The following ARSG variants were observed in gnomAD, a reference collection of about 807,000 sequenced individuals.
ARSG encodes the protein ASG.
Under a neutral mutation model 50.5 loss-of-function variants are expected in ARSG, and 37 were observed. That is an observed-to-expected ratio of 0.73 (90% CI 0.56 to 0.96). The LOEUF (loss-of-function observed/expected upper bound fraction) is 0.96, where lower values mean the gene tolerates loss of function less well. Ranked by LOEUF, ARSG falls within the 50% of genes least tolerant of loss-of-function variation. ARSG has a pLI of 0.00. For synonymous variants in ARSG, 225 were observed against 254.6 expected (o/e 0.88, Z 1.11); for missense variants, 629 against 675.3 (o/e 0.93, Z 0.76).
At chr17:68,328,249 G>A (rs1458166100) in intron 2 of ARSG, among the ~76,000 whole-genome samples, 2 of 151,948 alleles carry the variant, frequency 1.3e-5, no homozygotes, top group African/African-American at 4.9e-5. Flanking sequence ...CAGTCATCAT[G>A]TTGCCTGCCA....
downstream of ARSG, chr17:68,427,548 G>A: frequency 4.5e-6 from 1 of 223,946 alleles, no homozygotes; most frequent in Non-Finnish European, 9.0e-6. Flanking sequence ...GTAGAGACTG[G>A]GTTTCACCAT....
At chr17:68,296,647 C>G (rs1184695799) in intron 1 of ARSG, among the ~76,000 whole-genome samples, 2 of 152,226 alleles carry the variant, frequency 1.3e-5, no homozygotes, top group South Asian at 2.1e-4. Flanking sequence ...CTCCATCCTT[C>G]CCTCCCATGC....
At chr17:68,280,246 A>T (rs2075652938) in intron 1 of ARSG, among the ~76,000 whole-genome samples, 1 of 152,006 alleles carries the variant, frequency 6.6e-6, no homozygotes, top group South Asian at 2.1e-4. Flanking sequence ...GTGGATTCCT[A>T]TCAAAATACC....
rs746921910 is a variant in ARSG, at chr17:68,351,692, G to GT, written c.566+6_566+7insT. On this transcript the variant is annotated splice_region_variant and intron_variant, in intron 5 of 11. Coordinates refer to ENST00000621439, the MANE Select transcript of ARSG (RefSeq NM_001267727.2). ...CAGGGTGATGGACCATCAAGGTAATGCTGTCTGACACATTTGCGATAGGCT... is the reference window on the plus strand; with the variant it reads ...CAGGGTGATGGACCATCAAGGTAATGTCTGTCTGACACATTTGCGATAGGCT... The GT allele has an allele frequency of 6.3e-7, 1 of 1,586,922 alleles. No individual in the cohort carries two copies. Among genetic ancestry groups the GT allele is most frequent in the Non-Finnish European group, 8.7e-7 (1 of 1,155,306 alleles).
chr17:68,304,536 C>T (rs1568441170), intron 1 of ARSG, among the ~76,000 whole-genome samples: 1 of 152,182 alleles, frequency 6.6e-6, no homozygotes, highest in Non-Finnish European at 1.5e-5. Flanking sequence ...CTAACCACCC[C>T]CATCCATGTG....
At chr17:68,376,835 G>A (rs1226080452) in intron 8 of ARSG, among the ~76,000 whole-genome samples, 2 of 150,058 alleles carry the variant, frequency 1.3e-5, no homozygotes, top group East Asian at 2.0e-4. Context: ...TTCAAAGAAC[G>A]CCAAAGTTGG....
chr17:68,383,504 CA>C (rs1186038576), intron 8 of ARSG, among the ~76,000 whole-genome samples: 1 of 152,208 alleles, frequency 6.6e-6, no homozygotes, highest in African/African-American at 2.4e-5. Context: ...CATGGACATG[CA>C]GATAAACAGG....
At chr17:68,323,036 G>GCT (rs58760851) in intron 2 of ARSG, among the ~76,000 whole-genome samples, 11,367 of 147,386 alleles carry the variant, frequency 0.077, 938 homozygotes, top group African/African-American at 0.21. Context: ...ATAAGAGAGG[G>GCT]CTCTCTCTCT....
intron 1 of ARSG, among the ~76,000 whole-genome samples, chr17:68,292,580 T>C (rs1203689252): frequency 2.0e-5 from 3 of 152,170 alleles, no homozygotes; most frequent in East Asian, 1.9e-4. Flanking sequence ...GCTGCCTTCA[T>C]TGGGGTTCGG....
intron 11 of ARSG, chr17:68,413,891 T>G (rs1327218816): frequency 1.3e-5 from 2 of 152,490 alleles, no homozygotes; most frequent in African/African-American, 4.8e-5. Context: ...GTGCCGTCTG[T>G]CACCCCTTTC....
At chr17:68,424,088 C>G (rs2082985836), downstream of ARSG, among the ~76,000 whole-genome samples, 1 of 152,130 alleles carries the variant, frequency 6.6e-6, no homozygotes, top group Non-Finnish European at 1.5e-5. Context: ...GAAGAACGCC[C>G]TTTAAGGCCA....
chr17:68,424,441 T>A (rs1199582285), downstream of ARSG: 1 of 534,610 alleles, frequency 1.9e-6, no homozygotes, highest in Admixed American at 1.9e-5. Context: ...CTGCACTCCA[T>A]CCTTTTACAA....
intron 6 of ARSG, among the ~76,000 whole-genome samples, chr17:68,368,303 T>G (rs9891055): frequency 0.51 from 77,488 of 151,862 alleles, 19,960 homozygotes; most frequent in African/African-American, 0.55. Context: ...GACAATGTGA[T>G]TCCCATATAA....
At chr17:68,286,961 A>G (rs910330752), upstream of ARSG, among the ~76,000 whole-genome samples, 4 of 152,194 alleles carry the variant, frequency 2.6e-5, no homozygotes, top group African/African-American at 9.7e-5. Flanking sequence ...ATTCTATGAC[A>G]GCTGTTTAGA....
At position 68,282,779 on chromosome 17, in the gene ARSG, T is replaced by TAAAAAAAAAAAAAAAAA. The variant is rs36155626; in HGVS notation, c.-552+23358_-552+23374dup. ...CAACATAGTGAAACCCCATCTCTAC[T>TAAAAAAAAAAAAAAAAA]AAAAAAAAAAAAAAAAAAAAAGGCC... On this transcript the variant is annotated intron_variant, in intron 1 of 11. Transcript: ENST00000448504. 1.4e-3 allele frequency among the ~76,000 whole-genome samples: 73 copies of TAAAAAAAAAAAAAAAAA among 53,386 alleles called. 9 individuals carry two copies. The highest frequency in any genetic ancestry group is 6.5e-3 in the South Asian group (9 of 1,382). The allele number at this position is 53,386 out of a possible 152,430, so 35.0% of individuals were successfully genotyped here. A position where few individuals can be genotyped will look rare whatever the true frequency, so the allele number is the denominator to read the frequency against.
rs369417552 is a variant in ARSG at position 68,343,964 on chromosome 17, T to C, written c.406+173T>C. Among the ~76,000 whole-genome samples the C allele has an allele frequency of 4.6e-5, 7 of 152,346 alleles. No homozygotes were observed. In the East Asian group the frequency reaches 1.3e-3, roughly 29 times the overall value. ...ACCTAACAGTGAATTAAAACATACA[T>C]GGAGCTATTTTCCTCCCATTATAGC... On this transcript the variant is annotated intron_variant, in intron 3 of 11. Coordinates refer to ENST00000621439, the MANE Select transcript of ARSG (RefSeq NM_001267727.2).
intron 11 of ARSG, among the ~76,000 whole-genome samples, chr17:68,412,681 G>C (rs1424250639): frequency 6.6e-6 from 1 of 152,034 alleles, no homozygotes; most frequent in Non-Finnish European, 1.5e-5. Flanking sequence ...TTGCTAGATT[G>C]GGGAAGTTCT....
Position 68,356,572 on chromosome 17 carries a change from A to G in ARSG, c.567-95A>G. On this transcript the variant is annotated intron_variant, in intron 5 of 11. Coordinates refer to ENST00000621439, the MANE Select transcript of ARSG (RefSeq NM_001267727.2). The stretch of plus-strand genomic sequence containing the variant: ...AAATCATTTGGGGCCAGAGTGTTGT[A>G]TTTATGTGCATATGCATTGTTGCAT... 4.2e-6 allele frequency: 6 copies of G among 1,422,456 alleles called. No individual in the cohort carries two copies. The South Asian group carries it at 7.5e-5, about 18-fold the overall frequency. The allele number at this position is 1,422,456 out of a possible 1,614,324, so 88.1% of individuals were successfully genotyped here.
chr17:68,329,135 G>T (rs1373324742), intron 2 of ARSG, among the ~76,000 whole-genome samples: 1 of 152,228 alleles, frequency 6.6e-6, no homozygotes, highest in East Asian at 1.9e-4. Context: ...GAGAGCTGAA[G>T]TCCAGCTGAC....
Sources: allele counts gnomAD v4.1 joint callset (sites outside exome capture counted in the v4.1 genomes callset), GRCh38; gene constraint gnomAD v4.1.1; transcripts MANE v1.5; gene names NCBI Gene and HGNC (gene_info 2026-07-23, HGNC 2026-07-21).